JPT2: variants seen among roughly 807,000 people sequenced by gnomAD.
JPT2 encodes the protein CRAMP_1 like.
In JPT2, 9 loss-of-function variants were observed where a neutral mutation model predicts 15.9. The observed-to-expected ratio is 0.57, with a 90% confidence interval of 0.34 to 0.99. JPT2 has a LOEUF of 0.99. Among genes scored for constraint, JPT2 ranks in the 50% least tolerant of loss-of-function variants. The pLI is 0.02. For synonymous variants in JPT2, 95 were observed against 91.7 expected, an observed-to-expected ratio of 1.04 and a Z score of -0.21; for missense variants, 267 against 252.1, an observed-to-expected ratio of 1.06 and a Z score of -0.40.
Position 1,678,347 on chromosome 16 carries a change from C to T in JPT2, c.35C>T (p.Ala12Val), listed in dbSNP as rs752677628. ...FQVPDSEGGR[A>V]GSRAMKPPGG... Reference sequence around the variant, plus strand: ...GTCCCGGATAGCGAGGGCGGCCGCGCCGGCTCCAGGTGCGGCGCGGGGCAC... The same window carrying T: ...GTCCCGGATAGCGAGGGCGGCCGCGTCGGCTCCAGGTGCGGCGCGGGGCAC... The change falls in exon 1 of 5, where the codon GCC (alanine) becomes GTC (valine). Residue 12 changes from alanine to valine, a missense_variant. Physicochemically the swap from Ala to Val is moderately conservative, Grantham distance 64. Coordinates refer to ENST00000248098, the MANE Select transcript of JPT2 (RefSeq NM_144570.3). 1.6e-6 allele frequency: 2 copies of T among 1,232,796 alleles called. No individual in the cohort carries two copies. Among genetic ancestry groups the T allele is most frequent in the African/African-American group, 1.6e-5 (1 of 64,104 alleles). The allele number at this position is 1,232,796 out of a possible 1,614,324, so 76.4% of individuals were successfully genotyped here.
At chr16:1,695,448 T>C in intron 3 of JPT2, among the ~76,000 whole-genome samples, 1 of 150,256 alleles carries the variant, frequency 6.7e-6, no homozygotes, top group East Asian at 2.0e-4. Flanking sequence ...TGCGTGCACC[T>C]GTGGTCCTAG....
chr16:1,679,785 G>T (rs995768016), intron 1 of JPT2, among the ~76,000 whole-genome samples: 3 of 151,956 alleles, frequency 2.0e-5, no homozygotes, highest in African/African-American at 7.3e-5. Context: ...GCAGGGTGCA[G>T]TGACTCAACG....
chr16:1,692,031 G>C, intron 3 of JPT2, 46 bp downstream of exon 3: 1 of 1,605,632 alleles, frequency 6.2e-7, no homozygotes, highest in Non-Finnish European at 8.5e-7. Flanking sequence ...GGGTATGCCA[G>C]GTGCTCTTTC....
intron 2 of JPT2, chr16:1,686,820 A>G (rs1292917968): frequency 2.0e-5 from 3 of 152,076 alleles, no homozygotes; most frequent in Non-Finnish European, 4.4e-5. Flanking sequence ...GGTCTCTTCC[A>G]TCCTTAGAAG....
At chr16:1,692,316 C>T in intron 3 of JPT2, 1 of 312,284 alleles carries the variant, frequency 3.2e-6, no homozygotes, top group Non-Finnish European at 6.1e-6. Flanking sequence ...CGAGCTGGGC[C>T]CTTGTCCGTC....
chr16:1,686,390 GAAAA>G (rs2037066713), intron 2 of JPT2: 1 of 137,688 alleles, frequency 7.3e-6, no homozygotes, highest in Admixed American at 7.2e-5. Flanking sequence ...AAAAGAAAAA[GAAAA>G]AGAAAAAGGT....
At chr16:1,688,793 C>T (rs139676999) in intron 2 of JPT2, 1 of 152,150 alleles carries the variant, frequency 6.6e-6, no homozygotes, top group East Asian at 1.9e-4. Context: ...AAACATCTCT[C>T]GAGTTTATCT....
intron 3 of JPT2, among the ~76,000 whole-genome samples, chr16:1,696,075 G>A (rs1031506622): frequency 6.6e-6 from 1 of 151,130 alleles, no homozygotes; most frequent in Non-Finnish European, 1.5e-5. Context: ...CTAAAAATAC[G>A]AAAACTAGCC....
intron 3 of JPT2, among the ~76,000 whole-genome samples, chr16:1,696,988 A>T (rs1321184959): frequency 6.6e-6 from 1 of 152,254 alleles, no homozygotes; most frequent in Non-Finnish European, 1.5e-5. Context: ...TTTGAAAACA[A>T]GGAGTCAAAC....
At chr16:1,678,439 TGTGGGGTTGGG>T (rs1047428108) in intron 1 of JPT2, 83 bp downstream of exon 1, 23 of 944,728 alleles carry the variant, frequency 2.4e-5, no homozygotes, top group East Asian at 2.0e-4. Flanking sequence ...CCACCAGCCG[TGTGGGGTTGGG>T]GTGGGGTTGG....
In JPT2 at chr16:1,682,928, G is replaced by A. The variant is rs374762278; in HGVS notation, c.45-2511G>A. ...GGGCTCAAGCCAGCCTTAGCCTCCC[G>A]AATAACTGGGACAACAGGCGCATAC... is the stretch of plus-strand genomic sequence containing the variant. On this transcript the variant is annotated intron_variant, in intron 1 of 4. Coordinates refer to ENST00000248098, the MANE Select transcript of JPT2 (RefSeq NM_144570.3). Among the ~76,000 whole-genome samples, 24 of 152,184 alleles carry A rather than the reference G, an allele frequency of 1.6e-4. No individual in the cohort carries two copies. The East Asian group carries it at 3.7e-3, about 23-fold the overall frequency.
chr16:1,693,606 T>G (rs1215485185), intron 3 of JPT2, among the ~76,000 whole-genome samples: 1 of 152,068 alleles, frequency 6.6e-6, no homozygotes, highest in Non-Finnish European at 1.5e-5. Context: ...TAGAGGACTG[T>G]AGGACATCAG....
rs2037172455 is a variant in JPT2, at chr16:1,700,266, G to C, written c.*1268G>C. On this transcript the variant is annotated 3_prime_UTR_variant, in exon 5 of 5. Coordinates refer to ENST00000248098, the MANE Select transcript of JPT2 (RefSeq NM_144570.3). ...CAATTCCCTGAGCTTTGCTCACTCA[G>C]CTAATGGGATGGCAAAGGTGGTGGT... is the stretch of plus-strand genomic sequence containing the variant. 1 of 425,580 alleles carries C rather than the reference G, an allele frequency of 2.3e-6. No homozygotes were observed. Among genetic ancestry groups the C allele is most frequent in the African/African-American group, 2.0e-5 (1 of 49,288 alleles). 26.4% of individuals were successfully genotyped at this position (425,580 alleles called of 1,614,324 possible).
At chr16:1,679,313 T>G (rs1018553816) in intron 1 of JPT2, among the ~76,000 whole-genome samples, 2 of 152,250 alleles carry the variant, frequency 1.3e-5, no homozygotes, top group Non-Finnish European at 2.9e-5. Flanking sequence ...ATATTGCTTC[T>G]CAGCCTTTTG....
At chr16:1,694,909 G>T (rs948936497) in intron 3 of JPT2, among the ~76,000 whole-genome samples, 1 of 152,200 alleles carries the variant, frequency 6.6e-6, no homozygotes, top group Non-Finnish European at 1.5e-5. Context: ...AAATCTTCAT[G>T]ACCCTGGATT....
Position 1,678,293 on chromosome 16 carries a change from T to A in JPT2, c.-20T>A. ...CGGGCGGGAACGGCGCGCGGCGAGC[T>A]GAGGGTGGCGGCGGTCGACATGTTC... On this transcript the variant is annotated 5_prime_UTR_variant, in exon 1 of 5. Coordinates refer to ENST00000248098, the MANE Select transcript of JPT2 (RefSeq NM_144570.3). The A allele has an allele frequency of 8.1e-7, 1 of 1,236,412 alleles. No homozygotes were observed. Among genetic ancestry groups the A allele is most frequent in the East Asian group, 3.2e-5 (1 of 31,464 alleles). The allele number at this position is 1,236,412 out of a possible 1,614,324, so 76.6% of individuals were successfully genotyped here.
intron 2 of JPT2, 52 bp from the exon 3 acceptor site, chr16:1,691,791 G>A: frequency 2.5e-6 from 4 of 1,576,516 alleles, no homozygotes; most frequent in South Asian, 1.2e-5. Flanking sequence ...GTGGGGTGGG[G>A]TGGGGTCCGG....
chr16:1,690,982 A>G (rs942035548), intron 2 of JPT2, among the ~76,000 whole-genome samples: 5 of 152,232 alleles, frequency 3.3e-5, no homozygotes, highest in African/African-American at 1.2e-4. Context: ...AGGCCAAGTA[A>G]CTTCCATAGG....
At chr16:1,687,932 G>A (rs991238813) in intron 2 of JPT2, among the ~76,000 whole-genome samples, 8 of 152,194 alleles carry the variant, frequency 5.3e-5, no homozygotes, top group Admixed American at 4.6e-4. Context: ...GTATGCAGAG[G>A]CCGAGAGTGT....
Sources: allele counts gnomAD v4.1 joint callset (sites outside exome capture counted in the v4.1 genomes callset), GRCh38; gene constraint gnomAD v4.1.1; transcripts MANE v1.5; gene names NCBI Gene and HGNC (gene_info 2026-07-23, HGNC 2026-07-21).